The following ZMAT4 variants were observed in gnomAD, a reference collection of about 807,000 sequenced individuals.
ZMAT4 encodes zinc finger matrin-type protein 4.
In ZMAT4, 17 loss-of-function variants were observed where a neutral mutation model predicts 28.7. The observed-to-expected ratio is 0.59, with a 90% confidence interval of 0.41 to 0.89. ZMAT4 has a LOEUF of 0.89. ZMAT4 is among the 40% of genes least tolerant of loss of function. The probability of loss-of-function intolerance (pLI) is 0.00; values close to 1 mark genes in which losing one functional copy is unlikely to be tolerated. For missense variants in ZMAT4, 240 were observed against 283.8 expected, an observed-to-expected ratio of 0.85 and a Z score of 1.11; for synonymous variants, 117 against 109.2, an observed-to-expected ratio of 1.07 and a Z score of -0.44.
At chr8:40,537,223 G>T (rs907468246) in intron 6 of ZMAT4, among the ~76,000 whole-genome samples, 1 of 152,044 alleles carries the variant, frequency 6.6e-6, no homozygotes, top group African/African-American at 2.4e-5. Context: ...AGACTTTTTT[G>T]GGTAGTCCTA....
At chr8:40,580,942 A>G (rs2118543488) in intron 6 of ZMAT4, among the ~76,000 whole-genome samples, 1 of 152,316 alleles carries the variant, frequency 6.6e-6, no homozygotes, top group South Asian at 2.1e-4. Context: ...AAAGTATGCT[A>G]AACTGTCCTT....
At chr8:40,856,230 G>T (rs956928973) in intron 1 of ZMAT4, among the ~76,000 whole-genome samples, 2 of 152,152 alleles carry the variant, frequency 1.3e-5, no homozygotes, top group Non-Finnish European at 2.9e-5. Flanking sequence ...GGAAAGATGT[G>T]AGCGCCAAAG....
chr8:40,757,090 C>A (rs999040946), intron 3 of ZMAT4, among the ~76,000 whole-genome samples: 2 of 152,106 alleles, frequency 1.3e-5, no homozygotes, highest in African/African-American at 4.8e-5. Flanking sequence ...CAACAAAAAG[C>A]ACAGAAAGGT....
chr8:40,878,863 T>C lies in ZMAT4; in HGVS notation c.-5+18820A>G, dbSNP rs146953077. 7.3e-3 allele frequency among the ~76,000 whole-genome samples: 1,115 copies of C among 152,320 alleles called. 9 individuals carry two copies. The highest frequency in any genetic ancestry group is 0.011 in the Non-Finnish European group (768 of 68,024). ...AGCATCCCAGGCATCTCCAGCCCCATGTTCTATTAGCATTGAGTGGGCAGG... is the reference window on the plus strand; with the variant it reads ...AGCATCCCAGGCATCTCCAGCCCCACGTTCTATTAGCATTGAGTGGGCAGG... On this transcript the variant is annotated intron_variant, in intron 1 of 6. Coordinates refer to ENST00000297737, the MANE Select transcript of ZMAT4 (RefSeq NM_024645.3).
intron 3 of ZMAT4, among the ~76,000 whole-genome samples, chr8:40,724,802 T>C (rs1404320079): frequency 6.6e-6 from 1 of 151,990 alleles, no homozygotes. Flanking sequence ...AGAAAGGAGA[T>C]GGCATCATCT....
intron 6 of ZMAT4, among the ~76,000 whole-genome samples, chr8:40,560,589 C>A (rs1045224788): frequency 1.3e-4 from 20 of 151,756 alleles, no homozygotes; most frequent in African/African-American, 4.6e-4. Flanking sequence ...TGTCAAACTC[C>A]GGCAAAATAA....
At chr8:40,711,229 C>G (rs1810604799) in intron 3 of ZMAT4, among the ~76,000 whole-genome samples, 1 of 151,952 alleles carries the variant, frequency 6.6e-6, no homozygotes, top group Non-Finnish European at 1.5e-5. Flanking sequence ...TTCTGCTTTT[C>G]CTAAAAGCAC....
intron 2 of ZMAT4, among the ~76,000 whole-genome samples, chr8:40,811,045 G>C (rs1055661956): frequency 6.6e-6 from 1 of 152,310 alleles, no homozygotes; most frequent in African/African-American, 2.4e-5. Flanking sequence ...GATATGTAGA[G>C]ATCTGGGAAC....
Position 40,601,495 on chromosome 8 carries a change from G to GAAAGAAAGAAAGAAAGAA in ZMAT4, c.578-20235_578-20234insTTCTTTCTTTCTTTCTTT, listed in dbSNP as rs1563360151. Among the ~76,000 whole-genome samples the GAAAGAAAGAAAGAAAGAA allele has an allele frequency of 1.1e-3, 110 of 97,046 alleles. 10 individuals carry two copies. The highest frequency in any genetic ancestry group is 3.9e-3 in the African/African-American group (91 of 23,412). 63.7% of individuals were successfully genotyped at this position (97,046 alleles called of 152,430 possible). A position where few individuals can be genotyped will look rare whatever the true frequency, so the allele number is the denominator to read the frequency against. On this transcript the variant is annotated intron_variant, in intron 5 of 6. Transcript: ENST00000297737. ...AAAGAAAGAAAGAAAGAAAGAAAGAGAGAAAGAAAGAAAGAGAAAGAGAAA... is the reference window on the plus strand; with the variant it reads ...AAAGAAAGAAAGAAAGAAAGAAAGAGAAAGAAAGAAAGAAAGAAAGAAAGAAAGAAAGAGAAAGAGAAA...
chr8:40,632,974 T>C (rs2722419), intron 5 of ZMAT4, among the ~76,000 whole-genome samples: 88,066 of 151,974 alleles, frequency 0.58, 26,281 homozygotes, highest in East Asian at 0.69. Flanking sequence ...ATGTCCCAGA[T>C]ACAGCAAGGA....
chr8:40,715,374 C>A (rs1810807254), intron 3 of ZMAT4, among the ~76,000 whole-genome samples: 1 of 152,056 alleles, frequency 6.6e-6, no homozygotes, highest in Non-Finnish European at 1.5e-5. Flanking sequence ...CATAAAGAGG[C>A]AACAACAGCC....
intron 3 of ZMAT4, among the ~76,000 whole-genome samples, chr8:40,709,335 G>A (rs531679782): frequency 2.6e-5 from 4 of 152,172 alleles, no homozygotes; most frequent in South Asian, 2.1e-4. Flanking sequence ...TGAATATGGA[G>A]GGCCAACTGT....
Position 40,674,871 on chromosome 8 carries a change from G to A in ZMAT4, c.410C>T (p.Pro137Leu), listed in dbSNP as rs761862630. Residue 137 changes from proline (P) to leucine (L), a missense_variant, in exon 5 of 7, where the codon CCC becomes CTC. Pro to Leu is a moderately conservative substitution (Grantham distance 98). Coordinates refer to ENST00000297737, the MANE Select transcript of ZMAT4 (RefSeq NM_024645.3). ...TCTGTCTGAATCTCTTCTTTGATAG[G>A]GAGATGCGACCACCGGAGCAGTGTC... ...RMDTAPVVASPYQRRDSDRYC... is the reference protein window; with the variant it reads ...RMDTAPVVASLYQRRDSDRYC... 4 of 1,613,616 alleles carry A rather than the reference G, an allele frequency of 2.5e-6. No homozygotes were observed. In the South Asian group the frequency reaches 4.4e-5, roughly 18 times the overall value.
At chr8:40,852,018 TCC>T (rs1817127714) in intron 1 of ZMAT4, among the ~76,000 whole-genome samples, 1 of 152,178 alleles carries the variant, frequency 6.6e-6, no homozygotes, top group Non-Finnish European at 1.5e-5. Context: ...TGCCTCAGCC[TCC>T]CAAGTAGCTG....
intron 5 of ZMAT4, among the ~76,000 whole-genome samples, chr8:40,635,100 G>A (rs914089944): frequency 1.8e-4 from 28 of 152,128 alleles, no homozygotes; most frequent in Admixed American, 7.9e-4. Context: ...TACAGTACAG[G>A]TAACTGAATT....
At chr8:40,586,961 T>G (rs899490737) in intron 5 of ZMAT4, among the ~76,000 whole-genome samples, 6 of 151,412 alleles carry the variant, frequency 4.0e-5, no homozygotes, top group Non-Finnish European at 5.9e-5. Flanking sequence ...GTCAACAGAG[T>G]TCTCGGAGAA....
chr8:40,543,447 A>G (rs980238515), intron 6 of ZMAT4, among the ~76,000 whole-genome samples: 2 of 152,190 alleles, frequency 1.3e-5, no homozygotes, highest in African/African-American at 4.8e-5. Flanking sequence ...TCTGGGAATT[A>G]TCTTAGTCAA....
At chr8:40,538,896 C>T (rs866502082) in intron 6 of ZMAT4, among the ~76,000 whole-genome samples, 7 of 152,260 alleles carry the variant, frequency 4.6e-5, no homozygotes, top group African/African-American at 1.7e-4. Flanking sequence ...AGCGATTCTC[C>T]TGCCTCAGCT....
At chr8:40,849,170 G>T (rs901128825) in intron 1 of ZMAT4, among the ~76,000 whole-genome samples, 1 of 152,336 alleles carries the variant, frequency 6.6e-6, no homozygotes. Flanking sequence ...AACAAAGCTG[G>T]GGGCCAAGGG....
Sources: allele counts gnomAD v4.1 joint callset (sites outside exome capture counted in the v4.1 genomes callset), GRCh38; gene constraint gnomAD v4.1.1; transcripts MANE v1.5; gene names NCBI Gene and HGNC (gene_info 2026-07-23, HGNC 2026-07-21).